The following RCAN1 variants were observed in gnomAD, a reference collection of about 807,000 sequenced individuals.
RCAN1 encodes the protein calcipressin-1.
RCAN1 carries 11 observed loss-of-function variants against 22.9 expected under a neutral mutation model. The observed-to-expected ratio is 0.48, with a 90% confidence interval of 0.30 to 0.79. RCAN1 has a LOEUF of 0.79. RCAN1 is among the 30% of genes least tolerant of loss of function. The probability of loss-of-function intolerance (pLI) is 0.06; values close to 1 mark genes in which losing one functional copy is unlikely to be tolerated. For synonymous variants in RCAN1, 136 were observed against 142.3 expected (o/e 0.96, Z 0.32); for missense variants, 291 against 337.8 (o/e 0.86, Z 1.09).
At chr21:34,552,011 G>A (rs931262218) in intron 1 of RCAN1, among the ~76,000 whole-genome samples, 2 of 152,180 alleles carry the variant, frequency 1.3e-5, no homozygotes, top group African/African-American at 4.8e-5. Flanking sequence ...AGGTGGAAAG[G>A]CCAGTAGGAC....
intron 1 of RCAN1, among the ~76,000 whole-genome samples, chr21:34,549,067 C>T (rs2834528): frequency 0.23 from 34,477 of 152,098 alleles, 4,220 homozygotes; most frequent in African/African-American, 0.29. Context: ...AATCATCTCA[C>T]GCCTGAAGCT....
chr21:34,529,992 G>T (rs1413998845), intron 1 of RCAN1, among the ~76,000 whole-genome samples: 1 of 152,078 alleles, frequency 6.6e-6, no homozygotes, highest in Non-Finnish European at 1.5e-5. Context: ...TTCACCTCCC[G>T]CCGTGATTCT....
rs114141467 is a variant in RCAN1 at position 34,600,148 on chromosome 21, C to T, written c.252+14612G>A. Among the ~76,000 whole-genome samples, 1,344 of 152,306 alleles carry T rather than the reference C, an allele frequency of 8.8e-3. 19 individuals carry two copies. The highest frequency in any genetic ancestry group is 0.031 in the African/African-American group (1,290 of 41,574). On this transcript the variant is annotated intron_variant, in intron 1 of 3. Transcript: ENST00000313806. The stretch of plus-strand genomic sequence containing the variant: ...TGGCTCACAGAACCATCACTGGGGA[C>T]AGACTGCTGGGTGGCATGCTGCTGC...
chr21:34,521,410 G>A (rs765106605), intron 3 of RCAN1, 89 bp downstream of exon 3: 4 of 1,601,466 alleles, frequency 2.5e-6, no homozygotes, highest in Non-Finnish European at 3.4e-6. Context: ...GCTCAGGAGA[G>A]CTACGGGGGT....
chr21:34,585,452 A>T (rs905179570), intron 1 of RCAN1, among the ~76,000 whole-genome samples: 11 of 152,226 alleles, frequency 7.2e-5, no homozygotes, highest in Non-Finnish European at 1.2e-4. Context: ...TTTTAAAAAT[A>T]CATAATTCAG....
intron 2 of RCAN1, chr21:34,522,282 C>G (rs1293579032): frequency 6.6e-6 from 1 of 152,016 alleles, no homozygotes; most frequent in African/African-American, 2.4e-5. Context: ...AAATGCTGAC[C>G]AGTGATGAGA....
chr21:34,523,357 G>T (rs1450059513), intron 2 of RCAN1, among the ~76,000 whole-genome samples, 180 bp downstream of exon 2: 1 of 152,186 alleles, frequency 6.6e-6, no homozygotes, highest in African/African-American at 2.4e-5. Context: ...GCTTTCAAAT[G>T]CACCTTGATA....
intron 1 of RCAN1, among the ~76,000 whole-genome samples, chr21:34,597,500 T>C (rs553909778): frequency 8.5e-5 from 13 of 152,250 alleles, no homozygotes; most frequent in Middle Eastern, 3.4e-3. Flanking sequence ...AAAGAAGAAT[T>C]GTGTGTCAGC....
intron 1 of RCAN1, among the ~76,000 whole-genome samples, chr21:34,538,397 C>G (rs897548889): frequency 1.3e-5 from 2 of 152,140 alleles, no homozygotes; most frequent in African/African-American, 4.8e-5. Flanking sequence ...CTCCTCCATC[C>G]TGAGGGAGGA....
chr21:34,521,142 A>G (rs1984486028), intron 3 of RCAN1: 2 of 1,261,780 alleles, frequency 1.6e-6, no homozygotes, highest in South Asian at 6.6e-5. Flanking sequence ...TTCCCTTTCC[A>G]AAGTCCAATC....
At chr21:34,576,481 G>T (rs1170727413) in intron 1 of RCAN1, among the ~76,000 whole-genome samples, 2 of 152,172 alleles carry the variant, frequency 1.3e-5, no homozygotes, top group Non-Finnish European at 2.9e-5. Flanking sequence ...GCTGTGACAC[G>T]TTCCAGGCTT....
chr21:34,573,328 A>C (rs1987298123), intron 1 of RCAN1, among the ~76,000 whole-genome samples: 1 of 152,176 alleles, frequency 6.6e-6, no homozygotes, highest in South Asian at 2.1e-4. Context: ...TGGAAAAAGG[A>C]TTATTTAGCT....
chr21:34,575,842 G>A (rs1568918338), intron 1 of RCAN1, among the ~76,000 whole-genome samples: 1 of 152,168 alleles, frequency 6.6e-6, no homozygotes, highest in East Asian at 1.9e-4. Context: ...GACCACTAGT[G>A]ACCCCAAAAG....
At chr21:34,549,914 C>T (rs1986302434) in intron 1 of RCAN1, among the ~76,000 whole-genome samples, 1 of 152,106 alleles carries the variant, frequency 6.6e-6, no homozygotes, top group Admixed American at 6.5e-5. Context: ...GCACTGAACA[C>T]AGACCCAGGT....
intron 1 of RCAN1, among the ~76,000 whole-genome samples, chr21:34,570,848 C>T (rs1490805886): frequency 6.6e-6 from 1 of 152,160 alleles, no homozygotes; most frequent in Non-Finnish European, 1.5e-5. Context: ...TAGAAATTTA[C>T]ATGACTTAGG....
chr21:34,583,668 C>A (rs1234898966), intron 1 of RCAN1, among the ~76,000 whole-genome samples: 3 of 152,220 alleles, frequency 2.0e-5, no homozygotes, highest in Non-Finnish European at 2.9e-5. Flanking sequence ...TGATCTCGGA[C>A]TTCCAGCCTC....
chr21:34,517,857 A>C lies in RCAN1; in HGVS notation c.*227T>G. On this transcript the variant is annotated 3_prime_UTR_variant, in exon 4 of 4. Coordinates refer to ENST00000313806, the MANE Select transcript of RCAN1 (RefSeq NM_004414.7). ...CCAAATGTCCTTGTGCGATCACCAC[A>C]AACTCAGTGATTGGCCCAAGTCATT... The C allele has an allele frequency of 1.7e-6, 1 of 583,482 alleles. No homozygotes were observed. 36.1% of individuals were successfully genotyped at this position (583,482 alleles called of 1,614,324 possible). A position where few individuals can be genotyped will look rare whatever the true frequency, so the allele number is the denominator to read the frequency against.
chr21:34,531,153 C>T (rs926190564), intron 1 of RCAN1, among the ~76,000 whole-genome samples: 3 of 152,184 alleles, frequency 2.0e-5, no homozygotes, highest in Non-Finnish European at 4.4e-5. Context: ...TGGCAAAGTG[C>T]CTAGCACAAT....
chr21:34,548,932 G>A (rs941977022), intron 1 of RCAN1, among the ~76,000 whole-genome samples: 20 of 152,116 alleles, frequency 1.3e-4, no homozygotes, highest in Non-Finnish European at 2.2e-4. Context: ...TATTTTGTGC[G>A]CTTGTTTCTT....
Sources: gnomAD v4.1 joint callset for allele counts (sites outside exome capture counted in the v4.1 genomes callset) on GRCh38, gnomAD v4.1.1 for gene constraint, MANE v1.5 for transcripts, NCBI Gene and HGNC (gene_info 2026-07-23, HGNC 2026-07-21) for gene names.